Variants in GPHN observed in about 807,000 individuals in gnomAD.
GPHN encodes gephyrin.
GPHN carries 17 observed loss-of-function variants against 95.5 expected under a neutral mutation model. That is an observed-to-expected ratio of 0.18 (90% CI 0.12 to 0.27). The LOEUF (loss-of-function observed/expected upper bound fraction) is 0.27, where lower values mean the gene tolerates loss of function less well. Among genes scored for constraint, GPHN ranks in the 10% least tolerant of loss-of-function variants. GPHN has a pLI of 1.00. For missense variants in GPHN, 660 were observed against 978.1 expected, an observed-to-expected ratio of 0.67 and a Z score of 4.34; for synonymous variants, 320 against 322.5, an observed-to-expected ratio of 0.99 and a Z score of 0.08.
At chr14:66,943,584 C>T (rs1272803762) in intron 8 of GPHN, among the ~76,000 whole-genome samples, 1 of 152,152 alleles carries the variant, frequency 6.6e-6, no homozygotes, top group Non-Finnish European at 1.5e-5. Context: ...CTGCTTTTTA[C>T]CAATATTCTT....
the GPHN span, among the ~76,000 whole-genome samples, chr14:67,542,960 C>T: frequency 6.6e-6 from 1 of 152,158 alleles, no homozygotes; most frequent in Non-Finnish European, 1.5e-5. Context: ...AGGTGATCAC[C>T]TCAGCCTCTC....
At chr14:67,312,688 A>T in the GPHN span, 2 of 1,610,290 alleles carry the variant, frequency 1.2e-6, no homozygotes, top group Non-Finnish European at 1.7e-6. Context: ...AAGATAATCA[A>T]CCTCTAGCCG....
chr14:67,233,428 T>C, the GPHN span, among the ~76,000 whole-genome samples: 3 of 152,188 alleles, frequency 2.0e-5, no homozygotes, highest in African/African-American at 4.8e-5. Context: ...CCTGGTGGAA[T>C]ACCAATACCT....
chr14:67,415,875 G>A, the GPHN span, among the ~76,000 whole-genome samples: 1 of 152,310 alleles, frequency 6.6e-6, no homozygotes, highest in South Asian at 2.1e-4. Flanking sequence ...ACTAACACAG[G>A]AACAGAAAAC....
chr14:67,368,954 GA>G, the GPHN span, among the ~76,000 whole-genome samples: 2 of 151,562 alleles, frequency 1.3e-5, no homozygotes, highest in Admixed American at 6.6e-5. Flanking sequence ...AAACTCAAAA[GA>G]AAAAAACAAA....
the GPHN span, among the ~76,000 whole-genome samples, chr14:67,664,945 C>A: frequency 8.1e-4 from 124 of 152,338 alleles, no homozygotes; most frequent in African/African-American, 2.9e-3. Context: ...CAGCTCACTG[C>A]AAACTCCAAC....
chr14:66,863,018 A>G (rs185683250), intron 4 of GPHN, among the ~76,000 whole-genome samples: 89 of 152,288 alleles, frequency 5.8e-4, no homozygotes, highest in Admixed American at 2.2e-3. Context: ...TCCACATTGG[A>G]AAGGAAGAAG....
the GPHN span, among the ~76,000 whole-genome samples, chr14:67,274,239 G>T: frequency 6.6e-6 from 1 of 152,054 alleles, no homozygotes; most frequent in African/African-American, 2.4e-5. Context: ...TTTCTTCTAG[G>T]GTTTTTCTGG....
chr14:67,704,239 C>CG, the GPHN span, among the ~76,000 whole-genome samples: 1 of 152,012 alleles, frequency 6.6e-6, no homozygotes. Context: ...GTTCTGATTA[C>CG]GGGGGTAGAA....
the GPHN span, among the ~76,000 whole-genome samples, chr14:67,542,470 C>A: frequency 6.6e-6 from 1 of 152,138 alleles, no homozygotes; most frequent in Non-Finnish European, 1.5e-5. Flanking sequence ...GCTAGATGAC[C>A]CTGGGCAAGT....
At chr14:67,139,447 C>T (rs2080319392) in intron 17 of GPHN, among the ~76,000 whole-genome samples, 1 of 152,254 alleles carries the variant, frequency 6.6e-6, no homozygotes, top group South Asian at 2.1e-4. Flanking sequence ...TCTCATTAGA[C>T]TCTTTCTTTT....
chr14:67,193,960 A>AAAAAC, the GPHN span, among the ~76,000 whole-genome samples: 1 of 149,566 alleles, frequency 6.7e-6, no homozygotes, highest in Non-Finnish European at 1.5e-5. Flanking sequence ...AAAACAAAAA[A>AAAAAC]AAAACGAAAA....
chr14:67,150,852 C>A (rs1365838577), intron 18 of GPHN, among the ~76,000 whole-genome samples: 1 of 152,056 alleles, frequency 6.6e-6, no homozygotes, highest in Admixed American at 6.6e-5. Flanking sequence ...CGTCATCATA[C>A]CTGGCTTTTG....
chr14:66,783,395 C>T (rs747573015), intron 3 of GPHN, among the ~76,000 whole-genome samples: 1 of 152,114 alleles, frequency 6.6e-6, no homozygotes, highest in Non-Finnish European at 1.5e-5. Context: ...GTTGATCTAT[C>T]ACCAGCCCAG....
chr14:66,668,395 A>G (rs1009686002), intron 1 of GPHN, among the ~76,000 whole-genome samples: 4 of 152,246 alleles, frequency 2.6e-5, no homozygotes, highest in African/African-American at 7.2e-5. Flanking sequence ...GTGCCCATCA[A>G]TGATAGACTG....
the GPHN span, chr14:67,321,018 A>G: frequency 1.3e-6 from 2 of 1,569,184 alleles, no homozygotes; most frequent in Non-Finnish European, 1.8e-6. Context: ...CCTCACTCTA[A>G]GCCATGCCTG....
intron 10 of GPHN, among the ~76,000 whole-genome samples, chr14:67,030,028 A>G (rs981211259): frequency 1.4e-5 from 2 of 141,376 alleles, no homozygotes; most frequent in Non-Finnish European, 3.1e-5. Flanking sequence ...AATTATCAGT[A>G]TTATTCAGAC....
At chr14:66,818,114 A>C (rs1180636755) in intron 3 of GPHN, among the ~76,000 whole-genome samples, 2 of 152,098 alleles carry the variant, frequency 1.3e-5, no homozygotes, top group African/African-American at 2.4e-5. Flanking sequence ...TTTAACTTTA[A>C]ATTGAAGTTT....
At chr14:67,399,216 TAA>T in the GPHN span, among the ~76,000 whole-genome samples, 16 of 150,630 alleles carry the variant, frequency 1.1e-4, no homozygotes, top group African/African-American at 3.2e-4. Flanking sequence ...GTGGCAGGAA[TAA>T]AGAGAAGGGT....
Sources: gnomAD v4.1 joint callset for allele counts (sites outside exome capture counted in the v4.1 genomes callset) on GRCh38, gnomAD v4.1.1 for gene constraint, MANE v1.5 for transcripts, NCBI Gene and HGNC (gene_info 2026-07-23, HGNC 2026-07-21) for gene names.